Variants in RNF216 observed in about 807,000 individuals in gnomAD.
The protein encoded by RNF216 is ring finger protein 216, also known as E3 ubiquitin-protein ligase RNF216.
RNF216 carries 72 observed loss-of-function variants against 110.8 expected under a neutral mutation model. That is an observed-to-expected ratio of 0.65 (90% CI 0.54 to 0.79). The LOEUF is 0.79. Ranked by LOEUF, RNF216 falls within the 30% of genes least tolerant of loss-of-function variation. The pLI is 0.00. For synonymous variants in RNF216, 495 were observed against 407.5 expected (o/e 1.21, Z -2.59); for missense variants, 1,342 against 1,141.2 (o/e 1.18, Z -2.54).
chr7:5,734,825 A>AAAATAGATAAAT (rs1794298890), intron 5 of RNF216, among the ~76,000 whole-genome samples: 1 of 118,096 alleles, frequency 8.5e-6, no homozygotes, highest in African/African-American at 3.0e-5. Flanking sequence ...ACTCTCTCTC[A>AAAATAGATAAAT]AAATAAATAA....
intron 3 of RNF216, among the ~76,000 whole-genome samples, chr7:5,749,158 T>A (rs1167447113): frequency 1.3e-5 from 2 of 151,372 alleles, no homozygotes; most frequent in African/African-American, 4.9e-5. Context: ...TATTTTTTTT[T>A]TTTTTTTTTT....
intron 13 of RNF216, among the ~76,000 whole-genome samples, chr7:5,707,376 T>C (rs1168589228): frequency 6.6e-6 from 1 of 152,244 alleles, no homozygotes; most frequent in East Asian, 1.9e-4. Context: ...TTCCTAAGTA[T>C]TCCAACTTTT....
chr7:5,636,631 G>C (rs1787412710), intron 15 of RNF216, among the ~76,000 whole-genome samples: 1 of 152,166 alleles, frequency 6.6e-6, no homozygotes, highest in East Asian at 1.9e-4. Flanking sequence ...CCCAACAGAT[G>C]CTGGGTTGGA....
intron 13 of RNF216, among the ~76,000 whole-genome samples, chr7:5,653,430 CTACTAAAAA>C (rs1265573270): frequency 6.6e-6 from 1 of 151,412 alleles, no homozygotes; most frequent in Non-Finnish European, 1.5e-5. Context: ...AACCCTGTCT[CTACTAAAAA>C]TACAAAAAAA....
At chr7:5,760,740 TAAGACTC>T (rs1283147275) in intron 2 of RNF216, among the ~76,000 whole-genome samples, 3 of 152,332 alleles carry the variant, frequency 2.0e-5, no homozygotes, top group African/African-American at 4.8e-5. Flanking sequence ...CACTGTCTCT[TAAGACTC>T]AATGACTGCA....
chr7:5,666,820 T>TA (rs1789561025), intron 13 of RNF216: 1 of 151,760 alleles, frequency 6.6e-6, no homozygotes, highest in South Asian at 2.1e-4. Context: ...ATGACTTTTT[T>TA]TTTTTTTTTT....
chr7:5,640,360 C>T (rs201467770), intron 15 of RNF216, among the ~76,000 whole-genome samples: 1 of 152,314 alleles, frequency 6.6e-6, no homozygotes, highest in Non-Finnish European at 1.5e-5. Context: ...CTCTCCCCAG[C>T]GTAGTAGCTA....
intron 13 of RNF216, among the ~76,000 whole-genome samples, chr7:5,657,756 C>T (rs1584392352): frequency 6.6e-6 from 1 of 152,110 alleles, no homozygotes; most frequent in African/African-American, 2.4e-5. Context: ...AAATGACATA[C>T]AGAAGGCCAG....
In RNF216 at chr7:5,741,549, G is replaced by C. The variant is rs1402734589; in HGVS notation, c.468C>G (p.Pro156=). 6.2e-7 allele frequency: 1 copy of C among 1,614,072 alleles called. No individual in the cohort carries two copies. Among genetic ancestry groups the C allele is most frequent in the Admixed American group, 1.7e-5 (1 of 60,006 alleles). ...TKPSGQTERE[P]KPGPSHNQAA... ...CTTGGTTATGACTCGGTCCAGGCTTGGGTTCTCTTTCTGTTTGGCCACTTG... is the reference window on the plus strand; with the variant it reads ...CTTGGTTATGACTCGGTCCAGGCTTCGGTTCTCTTTCTGTTTGGCCACTTG... Residue 156 remains proline, a synonymous_variant, in exon 4 of 17, where the codon CCC becomes CCG. Coordinates refer to ENST00000389902, the MANE Select transcript of RNF216 (RefSeq NM_207111.4).
intron 14 of RNF216, among the ~76,000 whole-genome samples, chr7:5,641,898 T>G (rs117938627): frequency 3.0e-3 from 449 of 151,920 alleles, no homozygotes; most frequent in Non-Finnish European, 5.1e-3. Flanking sequence ...CCAGGCGTGG[T>G]AGTGCACACC....
At chr7:5,719,782 A>G (rs546677537) in intron 9 of RNF216, among the ~76,000 whole-genome samples, 41 of 152,348 alleles carry the variant, frequency 2.7e-4, no homozygotes, top group African/African-American at 9.6e-4. Context: ...TATTTTGAAT[A>G]ATCATAGTTT....
At chr7:5,731,158 C>T (rs537866117) in intron 5 of RNF216, among the ~76,000 whole-genome samples, 3 of 152,348 alleles carry the variant, frequency 2.0e-5, no homozygotes, top group African/African-American at 4.8e-5. Flanking sequence ...AAAGCAGCTA[C>T]TCTTTGTCGA....
At position 5,741,044 on chromosome 7, in the gene RNF216, A is replaced by T. The variant is rs1271035947; in HGVS notation, c.973T>A (p.Leu325Met). 6.2e-7 allele frequency: 1 copy of T among 1,614,024 alleles called. No homozygotes were observed. Among genetic ancestry groups the T allele is most frequent in the Middle Eastern group, 1.6e-4 (1 of 6,062 alleles). Residue 325 changes from leucine (L) to methionine (M), a missense_variant, in exon 4 of 17, where the codon TTG becomes ATG. Physicochemically the swap from Leu to Met is conservative, Grantham distance 15. Transcript: ENST00000389902. ...GCTTCTTGCCCCCAAATGTTTTCCA[A>T]ATTGGGCTCTTGAGATTCTTGCATT... ...FPMQESQEPNLENIWGQEAAE... is the reference protein window; with the variant it reads ...FPMQESQEPNMENIWGQEAAE...
At chr7:5,765,612 A>G (rs1562475141) in intron 1 of RNF216, among the ~76,000 whole-genome samples, 1 of 151,554 alleles carries the variant, frequency 6.6e-6, no homozygotes, top group African/African-American at 2.4e-5. Context: ...CCAGGGTGAG[A>G]GCGAGACCCT....
intron 1 of RNF216, chr7:5,775,161 CAG>C (rs1276321867): frequency 6.6e-6 from 1 of 152,108 alleles, no homozygotes; most frequent in Non-Finnish European, 1.5e-5. Flanking sequence ...GCCATAGAAC[CAG>C]AGTCAGGAAA....
chr7:5,763,962 G>A (rs1179334795), intron 1 of RNF216, among the ~76,000 whole-genome samples: 2 of 152,282 alleles, frequency 1.3e-5, no homozygotes, highest in East Asian at 3.9e-4. Context: ...GCCGAGGCAG[G>A]CGGATCACTC....
intron 13 of RNF216, among the ~76,000 whole-genome samples, chr7:5,702,659 C>T (rs1266142825): frequency 6.6e-6 from 1 of 152,170 alleles, no homozygotes. Context: ...GATGTGCTTG[C>T]GTGTGTAATT....
intron 3 of RNF216, among the ~76,000 whole-genome samples, chr7:5,743,155 G>C (rs923792120): frequency 2.0e-5 from 3 of 151,916 alleles, no homozygotes; most frequent in Non-Finnish European, 4.4e-5. Flanking sequence ...CAGCTACTCG[G>C]GAGGCTGACG....
At chr7:5,760,661 T>C in intron 2 of RNF216, 1 of 346,766 alleles carries the variant, frequency 2.9e-6, no homozygotes, top group Non-Finnish European at 5.4e-6. Context: ...ACACCTGCAG[T>C]ATTTCAGAAC....
Sources: gnomAD v4.1 joint callset for allele counts (sites outside exome capture counted in the v4.1 genomes callset) on GRCh38, gnomAD v4.1.1 for gene constraint, MANE v1.5 for transcripts, NCBI Gene and HGNC (gene_info 2026-07-23, HGNC 2026-07-21) for gene names.